SFI1: variants seen among roughly 807,000 people sequenced by gnomAD.
SFI1 encodes the protein SFI1 centrin binding protein.
Under a neutral mutation model 207.5 loss-of-function variants are expected in SFI1, and 195 were observed. The observed-to-expected ratio is 0.94, with a 90% CI of 0.84 to 1.06. The LOEUF (loss-of-function observed/expected upper bound fraction) is 1.06. Among genes scored for constraint, SFI1 ranks in the 50% least tolerant of loss-of-function variants. The pLI, the probability that SFI1 is intolerant of heterozygous loss-of-function variation, is 0.00. For missense variants in SFI1, 1,634 were observed against 1,588.0 expected (o/e 1.03, Z -0.49); for synonymous variants, 630 against 598.9 (o/e 1.05, Z -0.76).
intron 6 of SFI1, among the ~76,000 whole-genome samples, chr22:31,553,352 T>G (rs2060796619): frequency 6.6e-6 from 1 of 151,818 alleles, no homozygotes; most frequent in Non-Finnish European, 1.5e-5. Flanking sequence ...GTTTTTTGTT[T>G]GTTTGGTTGG....
rs566256875 is a variant in SFI1 at position 31,601,000 on chromosome 22, A to AAT, written c.1545-1212_1545-1211insAT. The stretch of plus-strand genomic sequence containing the variant: ...GGATCCTGTGGCTTCACCAACATGT[A>AAT]GCCCCTAGTGGCTGTTGGTCAATTG... On this transcript the variant is annotated intron_variant, in intron 15 of 32. Transcript: ENST00000400288. Among the ~76,000 whole-genome samples, 787 of 152,302 alleles carry AAT rather than the reference A, an allele frequency of 5.2e-3. 3 individuals are homozygous for AAT. Among genetic ancestry groups the AAT allele is most frequent in the Non-Finnish European group, 9.2e-3 (626 of 68,030 alleles).
intron 9 of SFI1, among the ~76,000 whole-genome samples, 169 bp from the exon 10 acceptor site, chr22:31,575,062 G>GA (rs367718706): frequency 0.052 from 5,747 of 110,164 alleles, 141 homozygotes; most frequent in African/African-American, 0.064. Context: ...CCAACTCAAA[G>GA]AAAAAAAAAA....
intron 4 of SFI1, among the ~76,000 whole-genome samples, chr22:31,535,473 G>C (rs752325719): frequency 1.3e-5 from 2 of 151,662 alleles, no homozygotes; most frequent in Non-Finnish European, 2.9e-5. Flanking sequence ...ACAGGCATGA[G>C]CCACCGCGCC....
chr22:31,499,452 G>T (rs2053340829), intron 1 of SFI1, among the ~76,000 whole-genome samples: 1 of 152,174 alleles, frequency 6.6e-6, no homozygotes, highest in Non-Finnish European at 1.5e-5. Flanking sequence ...GATTACAGGT[G>T]TGAATCACCG....
chr22:31,614,020 C>A, intron 27 of SFI1, 165 bp downstream of exon 27: 1 of 888,672 alleles, frequency 1.1e-6, no homozygotes, highest in Non-Finnish European at 1.6e-6. Flanking sequence ...CCCATCCCTC[C>A]CACGGCAAGA....
At position 31,528,696 on chromosome 22, in the gene SFI1, T is replaced by A; in HGVS notation, c.99T>A (p.Phe33Leu). The change falls in exon 3 of 33, where the codon TTT (phenylalanine) becomes TTA (leucine). Residue 33 changes from phenylalanine (F) to leucine (L), a missense_variant. Physicochemically the swap from Phe to Leu is conservative, Grantham distance 22. Coordinates refer to ENST00000400288, the MANE Select transcript of SFI1 (RefSeq NM_001007467.3). Reference protein sequence around the residue: ...RMEKKVDSRYFKDGAVKKPYS... With the variant: ...RMEKKVDSRYLKDGAVKKPYS... ...TTTCGTCCTCAAATTTAAGGTATTTTAAGGATGGTGCAGTTAAGAAACCTT... is the reference window on the plus strand; with the variant it reads ...TTTCGTCCTCAAATTTAAGGTATTTAAAGGATGGTGCAGTTAAGAAACCTT... 1 of 1,613,278 alleles carries A rather than the reference T, an allele frequency of 6.2e-7. No homozygotes were observed. Among genetic ancestry groups the A allele is most frequent in the Non-Finnish European group, 8.5e-7 (1 of 1,179,642 alleles).
intron 6 of SFI1, among the ~76,000 whole-genome samples, chr22:31,553,445 T>G (rs2060808635): frequency 6.6e-6 from 1 of 151,478 alleles, no homozygotes; most frequent in African/African-American, 2.4e-5. Context: ...AACCTCGACC[T>G]CCCGGGTTTA....
chr22:31,545,755 A>G (rs1409055113), intron 4 of SFI1, among the ~76,000 whole-genome samples: 1 of 143,596 alleles, frequency 7.0e-6, no homozygotes, highest in South Asian at 2.2e-4. Context: ...TAATTTTTGT[A>G]TTTTTAGTAG....
chr22:31,536,433 C>T (rs569318836), intron 4 of SFI1, among the ~76,000 whole-genome samples: 29 of 152,204 alleles, frequency 1.9e-4, no homozygotes, highest in South Asian at 4.1e-4. Flanking sequence ...TTTTTTGAGA[C>T]GAAGTTTTGC....
At chr22:31,594,006 C>CAGGGAG (rs1222554824) in intron 15 of SFI1, among the ~76,000 whole-genome samples, 12 of 3,414 alleles carry the variant, frequency 3.5e-3, no homozygotes, top group East Asian at 0.026. Flanking sequence ...GGGAGAGGGA[C>CAGGGAG]AGGGAGAGGG....
intron 15 of SFI1, among the ~76,000 whole-genome samples, chr22:31,593,296 G>C (rs1294494283): frequency 1.4e-5 from 2 of 141,786 alleles, no homozygotes; most frequent in African/African-American, 5.3e-5. Flanking sequence ...GCCGGGCAGA[G>C]ACGCTCCTCA....
intron 2 of SFI1, among the ~76,000 whole-genome samples, chr22:31,522,337 C>T (rs1324047259): frequency 6.6e-6 from 1 of 151,884 alleles, no homozygotes; most frequent in Non-Finnish European, 1.5e-5. Context: ...GGATTACATG[C>T]GTGAGCCACC....
intron 2 of SFI1, among the ~76,000 whole-genome samples, chr22:31,522,905 G>A (rs946607305): frequency 1.3e-5 from 2 of 152,076 alleles, no homozygotes; most frequent in Admixed American, 6.6e-5. Context: ...CCACCCGCCT[G>A]GGACTCCCAA....
intron 15 of SFI1, among the ~76,000 whole-genome samples, chr22:31,591,628 G>T (rs1416013099): frequency 8.4e-6 from 1 of 118,520 alleles, no homozygotes; most frequent in East Asian, 2.5e-4. Context: ...CCCGGACGGG[G>T]CGGCTGGCCG....
chr22:31,527,858 A>C (rs575558877), intron 2 of SFI1, among the ~76,000 whole-genome samples: 2 of 152,284 alleles, frequency 1.3e-5, no homozygotes, highest in East Asian at 3.9e-4. Context: ...TCAAGCCTGT[A>C]ATCCCAGCAC....
chr22:31,557,679 C>T (rs142756427), intron 7 of SFI1, among the ~76,000 whole-genome samples: 2 of 152,118 alleles, frequency 1.3e-5, no homozygotes, highest in South Asian at 2.1e-4. Context: ...TAACCCTTAC[C>T]GTAAACTGTA....
chr22:31,534,487 ACGTCCCAGGGTATTCTCTTTCGGGTAGGT>A (rs2058792674), intron 4 of SFI1, among the ~76,000 whole-genome samples: 1 of 152,016 alleles, frequency 6.6e-6, no homozygotes, highest in Non-Finnish European at 1.5e-5. Flanking sequence ...TCCTATCAGA[ACGTCCCAGGGTATTCTCTTTCGGGTAGGT>A]CTGCTAGTGA....
At chr22:31,522,148 A>T (rs1475886634) in intron 2 of SFI1, among the ~76,000 whole-genome samples, 1 of 145,960 alleles carries the variant, frequency 6.9e-6, no homozygotes, top group African/African-American at 2.5e-5. Flanking sequence ...GCTCACTGCA[A>T]CCTCCACCTC....
At chr22:31,566,372 C>T (rs1042868274) in intron 8 of SFI1, among the ~76,000 whole-genome samples, 5 of 152,196 alleles carry the variant, frequency 3.3e-5, no homozygotes, top group Non-Finnish European at 7.4e-5. Flanking sequence ...GGATTACAGG[C>T]GTGAGCCACC....
Sources: gnomAD v4.1 joint callset for allele counts (sites outside exome capture counted in the v4.1 genomes callset) on GRCh38, gnomAD v4.1.1 for gene constraint, MANE v1.5 for transcripts, NCBI Gene and HGNC (gene_info 2026-07-23, HGNC 2026-07-21) for gene names.